Variants in REC114 observed in about 807,000 individuals in gnomAD.
The protein encoded by REC114 is meiotic recombination protein REC114.
In REC114, 27 loss-of-function variants were observed where a neutral mutation model predicts 31.3. That is an observed-to-expected ratio of 0.86 (90% CI 0.64 to 1.19). The LOEUF (loss-of-function observed/expected upper bound fraction) is 1.19, where lower values mean the gene tolerates loss of function less well. REC114 is among the 50% of genes most tolerant of loss of function. REC114 has a pLI of 0.00. For synonymous variants in REC114, 134 were observed against 127.7 expected, an observed-to-expected ratio of 1.05 and a Z score of -0.33; for missense variants, 344 against 326.9, an observed-to-expected ratio of 1.05 and a Z score of -0.40.
intron 2 of REC114, among the ~76,000 whole-genome samples, chr15:73,491,076 A>C (rs2141302642): frequency 8.1e-6 from 1 of 123,836 alleles, no homozygotes; most frequent in East Asian, 2.4e-4. Context: ...GATGTACCAC[A>C]ATTTGCTCAT....
chr15:73,536,285 C>T (rs1275311794), intron 2 of REC114, among the ~76,000 whole-genome samples: 1 of 152,198 alleles, frequency 6.6e-6, no homozygotes, highest in Non-Finnish European at 1.5e-5. Context: ...ATGACAGACT[C>T]TCATCAATTA....
intron 2 of REC114, among the ~76,000 whole-genome samples, chr15:73,498,841 A>G (rs1893564596): frequency 6.6e-6 from 1 of 152,170 alleles, no homozygotes; most frequent in Non-Finnish European, 1.5e-5. Context: ...ATAAAAGTGA[A>G]CGTTAGGCGT....
Position 73,443,227 on chromosome 15 carries a change from C to A in REC114, c.42C>A (p.Thr14=), listed in dbSNP as rs540205218. The A allele has an allele frequency of 3.2e-6, 5 of 1,575,942 alleles. No individual in the cohort carries two copies. The highest frequency in any genetic ancestry group is 4.3e-6 in the Non-Finnish European group (5 of 1,161,796). The change falls in exon 1 of 6, where the codon ACC becomes ACA. Residue 14 remains threonine (T), a synonymous_variant. Coordinates refer to ENST00000331090, the MANE Select transcript of REC114 (RefSeq NM_001042367.2). ...AAGTGCCCTTGAGCCTCGGGCTTAC[C>A]GGAGGAGAAGCGGCAGAGTGGCCTC... ...AGKVPLSLGL[T]GGEAAEWPLQ...
At chr15:73,518,437 A>G (rs977867139) in intron 2 of REC114, among the ~76,000 whole-genome samples, 6 of 152,236 alleles carry the variant, frequency 3.9e-5, no homozygotes, top group Admixed American at 3.3e-4. Context: ...TGATCCTTAC[A>G]ATAAATAACC....
chr15:73,474,746 GA>G (rs1175654830), intron 2 of REC114, among the ~76,000 whole-genome samples: 4 of 152,116 alleles, frequency 2.6e-5, no homozygotes, highest in African/African-American at 7.2e-5. Context: ...TCTAGTGGGG[GA>G]AAAACAGCAA....
chr15:73,465,612 G>A (rs1251267676), intron 1 of REC114, among the ~76,000 whole-genome samples: 1 of 151,736 alleles, frequency 6.6e-6, no homozygotes, highest in Non-Finnish European at 1.5e-5. Context: ...GCTATGTTCA[G>A]TGATGTGCCT....
intron 2 of REC114, among the ~76,000 whole-genome samples, chr15:73,479,161 C>A (rs1421796755): frequency 1.3e-5 from 2 of 150,124 alleles, no homozygotes; most frequent in Non-Finnish European, 3.0e-5. Context: ...AGCATTTAGT[C>A]TTTTCACCAT....
chr15:73,470,050 A>T (rs1213782714), intron 1 of REC114, among the ~76,000 whole-genome samples: 2 of 152,012 alleles, frequency 1.3e-5, no homozygotes, highest in East Asian at 3.8e-4. Flanking sequence ...GGCAGCATAT[A>T]GCTTGTTTTG....
chr15:73,495,677 A>G (rs771321080), intron 2 of REC114, among the ~76,000 whole-genome samples: 2 of 152,178 alleles, frequency 1.3e-5, no homozygotes, highest in Non-Finnish European at 2.9e-5. Flanking sequence ...TATAGAATTT[A>G]GGGTCTTTTC....
intron 4 of REC114, among the ~76,000 whole-genome samples, chr15:73,555,570 C>G (rs1894454597): frequency 6.6e-6 from 1 of 152,164 alleles, no homozygotes; most frequent in African/African-American, 2.4e-5. Flanking sequence ...CTGTGAACCT[C>G]TAGCACTTCC....
At chr15:73,474,738 T>C (rs991196312) in intron 2 of REC114, among the ~76,000 whole-genome samples, 5 of 152,202 alleles carry the variant, frequency 3.3e-5, no homozygotes, top group Non-Finnish European at 7.3e-5. Context: ...ATCATCATTC[T>C]AGTGGGGGAA....
At chr15:73,499,497 C>G (rs1893574729) in intron 2 of REC114, among the ~76,000 whole-genome samples, 1 of 152,080 alleles carries the variant, frequency 6.6e-6, no homozygotes, top group Non-Finnish European at 1.5e-5. Flanking sequence ...TTTGAGTTCC[C>G]TACATCTTTA....
intron 2 of REC114, among the ~76,000 whole-genome samples, chr15:73,538,953 G>A (rs900496841): frequency 6.6e-6 from 1 of 150,706 alleles, no homozygotes; most frequent in African/African-American, 2.4e-5. Context: ...CTTCATACAT[G>A]GGCAGGTTGA....
chr15:73,555,083 C>T (rs1894446232), intron 4 of REC114, among the ~76,000 whole-genome samples: 1 of 152,192 alleles, frequency 6.6e-6, no homozygotes, highest in South Asian at 2.1e-4. Flanking sequence ...ACCTCCACCC[C>T]TCTTTTTTGT....
chr15:73,499,684 G>A (rs534359617), intron 2 of REC114, among the ~76,000 whole-genome samples: 6 of 151,996 alleles, frequency 3.9e-5, no homozygotes, highest in East Asian at 1.9e-4. Flanking sequence ...GCTCCCAATC[G>A]CCTTAGAATA....
At chr15:73,470,368 T>C (rs1390591912) in intron 1 of REC114, among the ~76,000 whole-genome samples, 2 of 152,258 alleles carry the variant, frequency 1.3e-5, no homozygotes, top group Non-Finnish European at 1.5e-5. Context: ...TTTGTGGAGA[T>C]CTTAGTTTTT....
At chr15:73,470,889 T>C (rs1042255359) in intron 1 of REC114, among the ~76,000 whole-genome samples, 2 of 152,160 alleles carry the variant, frequency 1.3e-5, no homozygotes, top group African/African-American at 4.8e-5. Context: ...GTAGAAGCCC[T>C]GAGGTTTATA....
At chr15:73,451,818 G>T (rs1045520244) in intron 1 of REC114, among the ~76,000 whole-genome samples, 2 of 152,154 alleles carry the variant, frequency 1.3e-5, no homozygotes, top group South Asian at 2.1e-4. Flanking sequence ...GGCATGCAAG[G>T]CTGGTTCAAT....
chr15:73,476,725 CA>C (rs1368830461), intron 2 of REC114, among the ~76,000 whole-genome samples: 3 of 152,264 alleles, frequency 2.0e-5, no homozygotes, highest in Admixed American at 2.0e-4. Context: ...TATTCCTTTT[CA>C]TTAATGAAGA....
Sources: gnomAD v4.1 joint callset for allele counts (sites outside exome capture counted in the v4.1 genomes callset) on GRCh38, gnomAD v4.1.1 for gene constraint, MANE v1.5 for transcripts, NCBI Gene and HGNC (gene_info 2026-07-23, HGNC 2026-07-21) for gene names.